TBC1D22A: variants seen among roughly 807,000 people sequenced by gnomAD.
TBC1D22A encodes the protein putative GTPase activator.
A neutral mutation model predicts 60.2 loss-of-function variants in TBC1D22A; 38 were observed. The observed-to-expected ratio is 0.63, with a 90% CI of 0.49 to 0.83. The LOEUF is 0.83. Among genes scored for constraint, TBC1D22A ranks in the 40% least tolerant of loss-of-function variants. TBC1D22A has a pLI of 0.00. For missense variants in TBC1D22A, 628 were observed against 701.0 expected (o/e 0.90, Z 1.18); for synonymous variants, 302 against 281.7 (o/e 1.07, Z -0.72).
chr22:46,766,010 T>G (rs1238159928), intron 1 of TBC1D22A, among the ~76,000 whole-genome samples: 1 of 140,144 alleles, frequency 7.1e-6, no homozygotes, highest in Non-Finnish European at 1.5e-5. Flanking sequence ...TGTGTGTATT[T>G]TTTTTGAGAC....
At chr22:46,883,251 GGAACA>G (rs1397272202) in intron 5 of TBC1D22A, among the ~76,000 whole-genome samples, 1 of 152,098 alleles carries the variant, frequency 6.6e-6, no homozygotes, top group African/African-American at 2.4e-5. Flanking sequence ...ACAGTGGGAG[GGAACA>G]ATTTGATTTT....
chr22:46,952,131 G>C (rs2072941663), intron 8 of TBC1D22A, among the ~76,000 whole-genome samples: 1 of 143,042 alleles, frequency 7.0e-6, no homozygotes, highest in Non-Finnish European at 1.6e-5. Flanking sequence ...GAAGTGACTG[G>C]CCTGCCCTGT....
At chr22:47,024,708 C>T (rs1027145670) in intron 10 of TBC1D22A, among the ~76,000 whole-genome samples, 13 of 151,984 alleles carry the variant, frequency 8.6e-5, no homozygotes, top group African/African-American at 3.1e-4. Flanking sequence ...ATTAGCTGGG[C>T]ATAGTGTAGT....
At chr22:47,148,501 G>A (rs2067370906) in intron 12 of TBC1D22A, among the ~76,000 whole-genome samples, 1 of 151,964 alleles carries the variant, frequency 6.6e-6, no homozygotes, top group African/African-American at 2.4e-5. Context: ...AGACCCTGGA[G>A]TTGGGTGCGT....
intron 10 of TBC1D22A, among the ~76,000 whole-genome samples, chr22:47,018,653 G>A (rs1282595519): frequency 6.6e-6 from 1 of 152,114 alleles, no homozygotes; most frequent in East Asian, 1.9e-4. Context: ...AGAACATCAG[G>A]CTTAGGCTCT....
At chr22:47,104,007 G>A (rs552262685) in intron 11 of TBC1D22A, among the ~76,000 whole-genome samples, 37 of 152,266 alleles carry the variant, frequency 2.4e-4, no homozygotes, top group African/African-American at 8.4e-4. Context: ...GGGAAAATTT[G>A]CGTCTGTAAA....
chr22:46,852,770 T>C (rs1284935695), intron 4 of TBC1D22A, among the ~76,000 whole-genome samples: 1 of 152,184 alleles, frequency 6.6e-6, no homozygotes, highest in Non-Finnish European at 1.5e-5. Context: ...TCTCGCCTTG[T>C]GTAAAGTTGG....
At chr22:46,944,677 C>T (rs761286362) in intron 8 of TBC1D22A, among the ~76,000 whole-genome samples, 25 of 152,308 alleles carry the variant, frequency 1.6e-4, no homozygotes, top group Admixed American at 5.9e-4. Flanking sequence ...GGATTATAGG[C>T]GTGAGCCACC....
At chr22:47,172,002 GCCCAGTGTGCCTACCCAGCACT>G (rs796831913) in intron 12 of TBC1D22A, among the ~76,000 whole-genome samples, 13,635 of 106,310 alleles carry the variant, frequency 0.13, 2,785 homozygotes, top group African/African-American at 0.29. Flanking sequence ...CGCCCGGTGA[GCCCAGTGTGCCTACCCAGCACT>G]CCCAGTGAGC....
At chr22:47,034,399 G>A (rs902086419) in intron 10 of TBC1D22A, among the ~76,000 whole-genome samples, 1 of 152,212 alleles carries the variant, frequency 6.6e-6, no homozygotes, top group East Asian at 1.9e-4. Context: ...TAGAGTCTCT[G>A]ACATCCCACC....
Position 46,797,481 on chromosome 22 carries a change from G to A in TBC1D22A, c.498G>A (p.Gln166=). The change falls in exon 4 of 13, where the codon CAG becomes CAA. Residue 166 remains glutamine (Q), a synonymous_variant. Transcript: ENST00000337137. ...ATGCCGCCCCTCTGCAGAGGTCCCA[G>A]TCTCTCCCACACTCGGCCACCGTCA... The part of the protein sequence containing the change: ...ASDAAPLQRS[Q]SLPHSATVTL... 1 of 1,613,510 alleles carries A rather than the reference G, an allele frequency of 6.2e-7. No individual in the cohort carries two copies. The highest frequency in any genetic ancestry group is 8.5e-7 in the Non-Finnish European group (1 of 1,179,978).
chr22:46,946,774 C>T lies in TBC1D22A; in HGVS notation c.1016-27516C>T, dbSNP rs147316511. Among the ~76,000 whole-genome samples, 55 of 152,334 alleles carry T rather than the reference C, an allele frequency of 3.6e-4. 1 individual carries two copies. In the East Asian group the frequency reaches 6.6e-3, roughly 18 times the overall value. On this transcript the variant is annotated intron_variant, in intron 8 of 12. Transcript: ENST00000337137. ...CCTGGAATGAGCCTGGGGCCCCTTC[C>T]TCTAGGTTGGTATTCAGACCAGCGT...
chr22:46,976,925 GC>G (rs1287746553), intron 9 of TBC1D22A, among the ~76,000 whole-genome samples: 1 of 152,174 alleles, frequency 6.6e-6, no homozygotes, highest in Non-Finnish European at 1.5e-5. Flanking sequence ...GTCTTCAAGG[GC>G]CTCCTAGCCC....
At chr22:46,963,996 T>C (rs970837199) in intron 8 of TBC1D22A, among the ~76,000 whole-genome samples, 24 of 152,192 alleles carry the variant, frequency 1.6e-4, no homozygotes, top group African/African-American at 5.8e-4. Context: ...TGTTCACTTG[T>C]GATAACAGAG....
chr22:47,158,763 C>T (rs1057278742), intron 12 of TBC1D22A, among the ~76,000 whole-genome samples: 2 of 152,160 alleles, frequency 1.3e-5, no homozygotes, highest in Non-Finnish European at 2.9e-5. Context: ...AAGATAGCAT[C>T]ATTGGTGTCA....
At chr22:46,789,114 A>G in intron 1 of TBC1D22A, 1 of 163,850 alleles carries the variant, frequency 6.1e-6, no homozygotes, top group South Asian at 1.1e-4. Context: ...TTTCTTAAGG[A>G]ATCTTCCTTC....
At chr22:47,067,690 G>A (rs2063822618) in intron 11 of TBC1D22A, among the ~76,000 whole-genome samples, 1 of 152,220 alleles carries the variant, frequency 6.6e-6, no homozygotes, top group South Asian at 2.1e-4. Flanking sequence ...GGGGATGGAT[G>A]CCACAGCCTC....
At chr22:47,073,251 G>A (rs915506780) in intron 11 of TBC1D22A, among the ~76,000 whole-genome samples, 9 of 152,232 alleles carry the variant, frequency 5.9e-5, no homozygotes, top group Middle Eastern at 3.2e-3. Flanking sequence ...CCATATCCAC[G>A]TAATGTTGTT....
chr22:46,923,798 A>G (rs1309401899), intron 8 of TBC1D22A, among the ~76,000 whole-genome samples: 1 of 152,222 alleles, frequency 6.6e-6, no homozygotes, highest in African/African-American at 2.4e-5. Context: ...ATTTAACCTT[A>G]CAATGTAGGC....
Sources: allele counts gnomAD v4.1 joint callset (sites outside exome capture counted in the v4.1 genomes callset), GRCh38; gene constraint gnomAD v4.1.1; transcripts MANE v1.5; gene names NCBI Gene and HGNC (gene_info 2026-07-23, HGNC 2026-07-21).